Variants in PDE6C observed in about 807,000 individuals in gnomAD.
The protein encoded by PDE6C is cone cGMP-specific 3',5'-cyclic phosphodiesterase subunit alpha'.
Under a neutral mutation model 113.1 loss-of-function variants are expected in PDE6C, and 75 were observed. That is an observed-to-expected ratio of 0.66 (90% confidence interval 0.55 to 0.80). The LOEUF is 0.80. Ranked by LOEUF, PDE6C falls within the 30% of genes least tolerant of loss-of-function variation. The pLI is 0.00. For synonymous variants in PDE6C, 375 were observed against 363.7 expected, an observed-to-expected ratio of 1.03 and a Z score of -0.35; for missense variants, 912 against 1,038.6, an observed-to-expected ratio of 0.88 and a Z score of 1.67.
rs2058582762 is a variant in PDE6C at position 93,646,047 on chromosome 10, G to A, written c.1935G>A (p.Glu645=). The change falls in exon 15 of 22, where the codon GAG becomes GAA. Residue 645 remains glutamate, a splice_region_variant and synonymous_variant. Coordinates refer to ENST00000371447, the MANE Select transcript of PDE6C (RefSeq NM_006204.4). ...ACAGTAAGACTCTGTTGCAGGATGA[G>A]GTACGTAAACCTCTCTTTAGGACAG... ...LEYSKTLLQD[E]SLNIFQNLNK... is the part of the protein sequence containing the mutation. 4 of 1,550,032 alleles carry A rather than the reference G, an allele frequency of 2.6e-6. No individual in the cohort carries two copies. Among genetic ancestry groups the A allele is most frequent in the African/African-American group, 2.7e-5 (2 of 73,808 alleles).
rs2058399236 is a variant in PDE6C, at chr10:93,612,978, C to A, written c.253C>A (p.Gln85Lys). The change falls in exon 1 of 22, where the codon CAG (glutamine) becomes AAG (lysine). Residue 85 changes from glutamine to lysine, a missense_variant. Physicochemically the swap from Gln to Lys is moderately conservative, Grantham distance 53 (BLOSUM62 1). Transcript: ENST00000371447. ...AGAGCAGGGGGTTCACAGGGCCCTG[C>A]AGAGGCTGGCCCACCTGCTCCAGGC... The part of the protein sequence containing the change: ...TPEQGVHRAL[Q>K]RLAHLLQADR... 6.2e-7 allele frequency: 1 copy of A among 1,613,892 alleles called. No homozygotes were observed. The highest frequency in any genetic ancestry group is 1.7e-5 in the Admixed American group (1 of 60,006).
chr10:93,663,250 A>G, intron 21 of PDE6C, 72 bp downstream of exon 21: 1 of 1,423,962 alleles, frequency 7.0e-7, no homozygotes, highest in Non-Finnish European at 9.8e-7. Flanking sequence ...CATGTGACAA[A>G]GCCATAAAGA....
chr10:93,660,904 A>G (rs1163801312), intron 18 of PDE6C, among the ~76,000 whole-genome samples: 1 of 152,116 alleles, frequency 6.6e-6, no homozygotes, highest in Non-Finnish European at 1.5e-5. Context: ...ACTTGCTGCC[A>G]GGATGTCTCT....
Position 93,640,111 on chromosome 10 carries a change from A to T in PDE6C, c.1524A>T (p.Glu508Asp). ...ACCCACGCTCAGCAGAACTGTACGA[A>T]TTCCGCTTCAGTGACTTCCCCCTTA... ...LPDPRSAELY[E>D]FRFSDFPLTE... Residue 508 changes from glutamate to aspartate, a missense_variant, in exon 12 of 22, where the codon GAA becomes GAT. Coordinates refer to ENST00000371447, the MANE Select transcript of PDE6C (RefSeq NM_006204.4). 6.2e-7 allele frequency: 1 copy of T among 1,614,090 alleles called. No individual in the cohort carries two copies. The highest frequency in any genetic ancestry group is 8.5e-7 in the Non-Finnish European group (1 of 1,179,910).
chr10:93,616,470 T>A (rs2134590472), intron 1 of PDE6C, among the ~76,000 whole-genome samples: 1 of 152,144 alleles, frequency 6.6e-6, no homozygotes, highest in East Asian at 1.9e-4. Flanking sequence ...CCCTAAGAAA[T>A]GGAGATAAGC....
intron 8 of PDE6C, among the ~76,000 whole-genome samples, chr10:93,631,569 G>A (rs2058501760): frequency 6.6e-6 from 1 of 151,376 alleles, no homozygotes; most frequent in Admixed American, 6.6e-5. Context: ...TCTGTCTGAT[G>A]TCTCTCTCAG....
chr10:93,664,139 G>A (rs2058679396), intron 21 of PDE6C, among the ~76,000 whole-genome samples: 1 of 152,168 alleles, frequency 6.6e-6, no homozygotes, highest in South Asian at 2.1e-4. Flanking sequence ...TGTTAGGCAG[G>A]CCCTGGGGAA....
chr10:93,645,875 G>T lies in PDE6C; in HGVS notation c.1848-85G>T, dbSNP rs552352853. ...GATAATTGAGTGAGGAGGGAGAAGA[G>T]AGACATTAAGAAAAATCCTGAATTG... On this transcript the variant is annotated intron_variant, in intron 14 of 21. Transcript: ENST00000371447. The T allele has an allele frequency of 4.2e-4, 332 of 786,048 alleles. 3 individuals carry two copies. The South Asian group carries it at 4.5e-3, about 11-fold the overall frequency. 48.7% of individuals were successfully genotyped at this position (786,048 alleles called of 1,614,324 possible).
At position 93,626,778 on chromosome 10, in the gene PDE6C, A is replaced by G. The variant is rs780851328; in HGVS notation, c.1005-27A>G. On this transcript the variant is annotated intron_variant, in intron 6 of 21. Transcript: ENST00000371447. Reference sequence around the variant, plus strand: ...ACATATTGCATTTCTCTATATTGCAATGATTTTTTTTCTTCTCTTCCCCAA... The same window carrying G: ...ACATATTGCATTTCTCTATATTGCAGTGATTTTTTTTCTTCTCTTCCCCAA... The G allele has an allele frequency of 2.5e-6, 4 of 1,612,626 alleles. No individual in the cohort carries two copies. The South Asian group carries it at 4.4e-5, about 18-fold the overall frequency.
At chr10:93,614,625 A>G (rs910137623) in intron 1 of PDE6C, among the ~76,000 whole-genome samples, 1 of 152,194 alleles carries the variant, frequency 6.6e-6, no homozygotes, top group Non-Finnish European at 1.5e-5. Flanking sequence ...TGAAAAAGTG[A>G]CATTCAGCAA....
chr10:93,626,762 A>G (rs1252363041), intron 6 of PDE6C, 43 bp from the exon 7 acceptor site: 1 of 1,606,988 alleles, frequency 6.2e-7, no homozygotes, highest in South Asian at 1.1e-5. Context: ...CACATATTGC[A>G]TTTCTCTATA....
At chr10:93,636,224 T>C (rs901116772) in intron 10 of PDE6C, among the ~76,000 whole-genome samples, 87 of 152,212 alleles carry the variant, frequency 5.7e-4, no homozygotes, top group African/African-American at 2.0e-3. Flanking sequence ...AAATGCTCAT[T>C]GGCCAAAGAA....
intron 16 of PDE6C, among the ~76,000 whole-genome samples, chr10:93,656,506 G>A (rs896859120): frequency 1.3e-5 from 2 of 152,106 alleles, no homozygotes; most frequent in African/African-American, 4.8e-5. Context: ...AATATTCAGT[G>A]GCTTGGGCAT....
At chr10:93,656,143 G>A (rs1172505753) in intron 16 of PDE6C, among the ~76,000 whole-genome samples, 1 of 152,234 alleles carries the variant, frequency 6.6e-6, no homozygotes, top group East Asian at 1.9e-4. Context: ...GGTTTGAATT[G>A]CAGAATGTGC....
chr10:93,636,399 T>TGTGTGTGTGTG (rs2058531210), intron 10 of PDE6C, among the ~76,000 whole-genome samples: 1 of 151,388 alleles, frequency 6.6e-6, no homozygotes, highest in African/African-American at 2.4e-5. Flanking sequence ...TGTGTGTGTG[T>TGTGTGTGTGTG]GTGTGTGTAG....
intron 1 of PDE6C, among the ~76,000 whole-genome samples, chr10:93,614,771 A>G (rs1459336192): frequency 1.3e-5 from 2 of 152,136 alleles, no homozygotes; most frequent in Non-Finnish European, 2.9e-5. Flanking sequence ...GCGGCTGTCC[A>G]TGGTGAGCAT....
intron 15 of PDE6C, among the ~76,000 whole-genome samples, chr10:93,647,790 A>G (rs1340947127): frequency 2.0e-5 from 3 of 152,254 alleles, no homozygotes; most frequent in Non-Finnish European, 4.4e-5. Flanking sequence ...ATATGCAGAC[A>G]GAATCTCTCC....
At chr10:93,654,795 T>TTTCC (rs2058627357) in intron 15 of PDE6C, among the ~76,000 whole-genome samples, 1 of 87,020 alleles carries the variant, frequency 1.1e-5, no homozygotes, top group African/African-American at 3.4e-5. Context: ...TCTTTCTTTC[T>TTTCC]TTCTTTCTTT....
At chr10:93,644,558 A>G (rs2058574062) in intron 14 of PDE6C, among the ~76,000 whole-genome samples, 1 of 151,884 alleles carries the variant, frequency 6.6e-6, no homozygotes, top group Non-Finnish European at 1.5e-5. Flanking sequence ...TGCTGGGAAT[A>G]TTCAAATTAT....
Sources: gnomAD v4.1 joint callset for allele counts (sites outside exome capture counted in the v4.1 genomes callset) on GRCh38, gnomAD v4.1.1 for gene constraint, MANE v1.5 for transcripts, NCBI Gene and HGNC (gene_info 2026-07-23, HGNC 2026-07-21) for gene names.